CELF4: variants seen among roughly 807,000 people sequenced by gnomAD.
CELF4 encodes the protein CUG-BP- and ETR-3-like factor 4.
Under a neutral mutation model 59.9 loss-of-function variants are expected in CELF4, and 18 were observed. The ratio of observed to expected loss-of-function variants is 0.30; its 90% CI spans 0.21 to 0.45. The LOEUF (loss-of-function observed/expected upper bound fraction) is 0.45, where lower values mean the gene tolerates loss of function less well. Ranked by LOEUF, CELF4 falls within the 20% of genes least tolerant of loss-of-function variation. The probability of loss-of-function intolerance (pLI) is 1.00; values close to 1 mark genes in which losing one functional copy is unlikely to be tolerated. For missense variants in CELF4, 456 were observed against 689.0 expected (o/e 0.66, Z 3.79); for synonymous variants, 261 against 267.1 (o/e 0.98, Z 0.22).
chr18:37,395,545 C>G lies in CELF4; in HGVS notation c.370-73664G>C, dbSNP rs1214620527. Among the ~76,000 whole-genome samples, 5 of 152,368 alleles carry G rather than the reference C, an allele frequency of 3.3e-5. No individual in the cohort carries two copies. In the East Asian group the frequency reaches 9.6e-4, roughly 29 times the overall value. ...GTTTGTCATTTTGAGATCAGTAGTT[C>G]TCTCTGGGATCCTCTTGTAAAACAC... On this transcript the variant is annotated intron_variant, in intron 2 of 12. Coordinates refer to ENST00000420428, the MANE Select transcript of CELF4 (RefSeq NM_020180.4).
intron 2 of CELF4, among the ~76,000 whole-genome samples, chr18:37,378,349 A>G (rs2098996368): frequency 6.6e-6 from 1 of 152,204 alleles, no homozygotes; most frequent in Non-Finnish European, 1.5e-5. Flanking sequence ...AAGGGAGGCC[A>G]GGGAGCCCAG....
chr18:37,433,394 T>A (rs1396633996), intron 2 of CELF4, among the ~76,000 whole-genome samples: 1 of 152,168 alleles, frequency 6.6e-6, no homozygotes. Flanking sequence ...GTCTTCTCTG[T>A]GGGGTCATCA....
At chr18:37,375,700 C>T (rs2098960292) in intron 2 of CELF4, among the ~76,000 whole-genome samples, 1 of 152,178 alleles carries the variant, frequency 6.6e-6, no homozygotes, top group Non-Finnish European at 1.5e-5. Context: ...TACCAGTATC[C>T]TGTACCACTG....
At chr18:37,466,401 AG>A (rs2099809024) in intron 2 of CELF4, among the ~76,000 whole-genome samples, 1 of 128,358 alleles carries the variant, frequency 7.8e-6, no homozygotes. Context: ...GTATGCTGGG[AG>A]CTTCGATCTT....
chr18:37,519,024 T>C (rs577985721), intron 1 of CELF4, among the ~76,000 whole-genome samples: 1 of 152,308 alleles, frequency 6.6e-6, no homozygotes, highest in South Asian at 2.1e-4. Context: ...AGATTAAGAA[T>C]CCTTGAGTTT....
At chr18:37,463,811 T>A (rs2099800316) in intron 2 of CELF4, among the ~76,000 whole-genome samples, 1 of 152,140 alleles carries the variant, frequency 6.6e-6, no homozygotes, top group Non-Finnish European at 1.5e-5. Context: ...CTGGAGGTTT[T>A]TTTTCTTACC....
At chr18:37,550,674 C>T (rs2099982905) in intron 1 of CELF4, among the ~76,000 whole-genome samples, 1 of 152,258 alleles carries the variant, frequency 6.6e-6, no homozygotes, top group Non-Finnish European at 1.5e-5. Context: ...GCCTGGGTCC[C>T]TCTCTGCTGC....
chr18:37,321,402 C>T (rs1337336357), intron 3 of CELF4, among the ~76,000 whole-genome samples: 8 of 152,188 alleles, frequency 5.3e-5, no homozygotes, highest in Admixed American at 5.2e-4. Context: ...GATTTGCCTC[C>T]TTGGCCTGAA....
rs989674643 is a variant in CELF4, at chr18:37,318,640, C to T, written c.448+3163G>A. ...GGCTTTCCCTACACCTCCCCCCCCC[C>T]CCACTTTCTACTGCAAGAAGAATAA... On this transcript the variant is annotated intron_variant, in intron 3 of 12. Coordinates refer to ENST00000420428, the MANE Select transcript of CELF4 (RefSeq NM_020180.4). 4.0e-5 allele frequency among the ~76,000 whole-genome samples: 6 copies of T among 150,350 alleles called. No individual in the cohort carries two copies. The East Asian group carries it at 7.9e-4, about 20-fold the overall frequency.
chr18:37,407,963 GA>G (rs1220181636), intron 2 of CELF4, among the ~76,000 whole-genome samples: 1 of 151,654 alleles, frequency 6.6e-6, no homozygotes, highest in East Asian at 1.9e-4. Context: ...TTGATTTTGG[GA>G]AAAAAAAGGA....
intron 3 of CELF4, among the ~76,000 whole-genome samples, chr18:37,280,255 G>A (rs574647344): frequency 5.5e-4 from 67 of 122,544 alleles, no homozygotes; most frequent in African/African-American, 2.2e-3. Context: ...CACCTCAGGA[G>A]GGGCTGGACA....
chr18:37,456,479 C>T (rs550833131), intron 2 of CELF4, among the ~76,000 whole-genome samples: 15 of 152,294 alleles, frequency 9.8e-5, no homozygotes, highest in East Asian at 9.7e-4. Flanking sequence ...CAGCCCTGCA[C>T]GTCTGACAGC....
At chr18:37,527,673 G>A (rs193210800) in intron 1 of CELF4, among the ~76,000 whole-genome samples, 1 of 152,286 alleles carries the variant, frequency 6.6e-6, no homozygotes, top group East Asian at 1.9e-4. Flanking sequence ...GAGAATGCAG[G>A]CTGGCTTTCC....
At chr18:37,433,610 C>T (rs555338856) in intron 2 of CELF4, among the ~76,000 whole-genome samples, 29 of 152,290 alleles carry the variant, frequency 1.9e-4, no homozygotes, top group East Asian at 5.8e-4. Context: ...GTCGGGGCCA[C>T]GATTGTCCTT....
chr18:37,360,266 G>A (rs2098681173), intron 2 of CELF4, among the ~76,000 whole-genome samples: 1 of 152,128 alleles, frequency 6.6e-6, no homozygotes, highest in African/African-American at 2.4e-5. Flanking sequence ...TCTGATCCAG[G>A]GATGGAGTCT....
intron 3 of CELF4, among the ~76,000 whole-genome samples, chr18:37,284,309 T>TAC (rs142557119): frequency 6.7e-5 from 10 of 149,418 alleles, no homozygotes; most frequent in Admixed American, 2.7e-4. Context: ...CCAATGCACA[T>TAC]ACACACACAC....
intron 2 of CELF4, among the ~76,000 whole-genome samples, chr18:37,463,033 G>A (rs2099798092): frequency 6.6e-6 from 1 of 152,168 alleles, no homozygotes; most frequent in Non-Finnish European, 1.5e-5. Flanking sequence ...AGAAGACACA[G>A]CTCTTGTCCT....
intron 3 of CELF4, among the ~76,000 whole-genome samples, chr18:37,282,383 G>A (rs2094254173): frequency 6.6e-6 from 1 of 152,094 alleles, no homozygotes; most frequent in Admixed American, 6.5e-5. Context: ...TCCCCTAAAG[G>A]TACTGAGCAT....
intron 12 of CELF4, chr18:37,247,033 T>A (rs2062495605): frequency 6.6e-6 from 1 of 152,144 alleles, no homozygotes; most frequent in Admixed American, 6.5e-5. Context: ...TGATCATGAC[T>A]GGCCAATCAT....
Sources: gnomAD v4.1 joint callset for allele counts (sites outside exome capture counted in the v4.1 genomes callset) on GRCh38, gnomAD v4.1.1 for gene constraint, MANE v1.5 for transcripts, NCBI Gene and HGNC (gene_info 2026-07-23, HGNC 2026-07-21) for gene names.